CERT1: variants seen among roughly 807,000 people sequenced by gnomAD.
CERT1 encodes the protein ceramide transfer protein.
CERT1 carries 31 observed loss-of-function variants against 87.9 expected under a neutral mutation model. The ratio of observed to expected loss-of-function variants is 0.35; its 90% CI spans 0.27 to 0.48. The LOEUF (loss-of-function observed/expected upper bound fraction) is 0.48. Among genes scored for constraint, CERT1 ranks in the 20% least tolerant of loss-of-function variants. The pLI is 0.99. For missense variants in CERT1, 487 were observed against 758.0 expected, an observed-to-expected ratio of 0.64 and a Z score of 4.20; for synonymous variants, 289 against 250.9, an observed-to-expected ratio of 1.15 and a Z score of -1.44.
intron 2 of CERT1, among the ~76,000 whole-genome samples, chr5:75,479,624 C>A (rs903427581): frequency 5.3e-5 from 8 of 152,140 alleles, no homozygotes; most frequent in Non-Finnish European, 1.0e-4. Context: ...TGATCTCACT[C>A]TTTTTTATGT....
At chr5:75,408,522 A>G (rs1464252180) in intron 8 of CERT1, among the ~76,000 whole-genome samples, 1 of 152,170 alleles carries the variant, frequency 6.6e-6, no homozygotes, top group African/African-American at 2.4e-5. Flanking sequence ...GAACAAATTA[A>G]CTCACAAACA....
At chr5:75,376,492 G>A (rs1013912275), downstream of CERT1, 1 of 152,200 alleles carries the variant, frequency 6.6e-6, no homozygotes, top group African/African-American at 2.4e-5. Flanking sequence ...GACACACAGC[G>A]AAGCAGGGTG....
intron 3 of CERT1, among the ~76,000 whole-genome samples, chr5:75,439,998 A>G (rs1196254801): frequency 6.6e-6 from 1 of 152,090 alleles, no homozygotes; most frequent in African/African-American, 2.4e-5. Flanking sequence ...TCACTGTAAC[A>G]GACAATTAGA....
At chr5:75,431,602 G>C (rs1310720796) in intron 3 of CERT1, among the ~76,000 whole-genome samples, 2 of 152,136 alleles carry the variant, frequency 1.3e-5, no homozygotes, top group African/African-American at 4.8e-5. Context: ...TATTAGATAA[G>C]CTCCATGATT....
At chr5:75,448,172 G>A (rs1424637956) in intron 3 of CERT1, among the ~76,000 whole-genome samples, 1 of 152,074 alleles carries the variant, frequency 6.6e-6, no homozygotes, top group East Asian at 1.9e-4. Flanking sequence ...TATGTAAAAT[G>A]GGGCTTCTGT....
At chr5:75,493,897 C>CCT (rs1766930491) in intron 2 of CERT1, among the ~76,000 whole-genome samples, 1 of 152,010 alleles carries the variant, frequency 6.6e-6, no homozygotes, top group Non-Finnish European at 1.5e-5. Flanking sequence ...TATAATTCTA[C>CCT]CTTCTAACTC....
At chr5:75,443,777 T>C (rs949674166) in intron 3 of CERT1, among the ~76,000 whole-genome samples, 2 of 152,248 alleles carry the variant, frequency 1.3e-5, no homozygotes, top group Non-Finnish European at 2.9e-5. Flanking sequence ...TAGAACTGTC[T>C]ATTTCTCCTT....
chr5:75,503,865 TA>T, intron 2 of CERT1, among the ~76,000 whole-genome samples: 1 of 151,942 alleles, frequency 6.6e-6, no homozygotes, highest in African/African-American at 2.4e-5. Flanking sequence ...ATTAAACATT[TA>T]AATTTTTTGT....
intron 2 of CERT1, among the ~76,000 whole-genome samples, chr5:75,482,253 A>C (rs1766280020): frequency 6.6e-6 from 1 of 152,168 alleles, no homozygotes; most frequent in Non-Finnish European, 1.5e-5. Flanking sequence ...ACCTTGAGTG[A>C]ACATTGGCAG....
At chr5:75,500,516 T>A (rs1767300055) in intron 2 of CERT1, among the ~76,000 whole-genome samples, 1 of 152,178 alleles carries the variant, frequency 6.6e-6, no homozygotes, top group South Asian at 2.1e-4. Flanking sequence ...AATATATTCT[T>A]TTCTAATGAA....
At chr5:75,498,653 A>G (rs1008085070) in intron 2 of CERT1, among the ~76,000 whole-genome samples, 1 of 152,254 alleles carries the variant, frequency 6.6e-6, no homozygotes, top group Non-Finnish European at 1.5e-5. Flanking sequence ...AACTCCGCCT[A>G]CATTTCAGAG....
At chr5:75,458,722 T>C (rs929680090) in intron 3 of CERT1, among the ~76,000 whole-genome samples, 2 of 152,104 alleles carry the variant, frequency 1.3e-5, no homozygotes, top group African/African-American at 2.4e-5. Context: ...CGGCTAATTT[T>C]TGTATTTTTA....
intron 2 of CERT1, among the ~76,000 whole-genome samples, chr5:75,484,003 A>G (rs1012831011): frequency 1.3e-5 from 2 of 152,166 alleles, no homozygotes; most frequent in Non-Finnish European, 2.9e-5. Context: ...TGAACCTACA[A>G]AAAATGATAA....
chr5:75,505,012 C>T (rs766026870), intron 2 of CERT1, among the ~76,000 whole-genome samples: 1 of 152,054 alleles, frequency 6.6e-6, no homozygotes, highest in South Asian at 2.1e-4. Flanking sequence ...GTAGGCCAGG[C>T]GCGGTGGCTC....
intron 15 of CERT1, 34 bp downstream of exon 15, chr5:75,381,915 G>GT (rs1761601982): frequency 6.3e-7 from 1 of 1,580,626 alleles, no homozygotes; most frequent in African/African-American, 1.4e-5. Context: ...GCTTTATATT[G>GT]TTTAATTATA....
rs369315024 is a variant in CERT1, at chr5:75,464,563, G to A, written c.232-5382C>T. ...TTGCATTGTTGCCCAGGGTGGTCTG[G>A]TAAAGACTTGAGCAGTGTTTTTTGT... On this transcript the variant is annotated intron_variant, in intron 2 of 16. Coordinates refer to ENST00000643780, the MANE Select transcript of CERT1 (RefSeq NM_001379029.1). Among the ~76,000 whole-genome samples the A allele has an allele frequency of 6.6e-4, 101 of 152,180 alleles. 1 individual carries two copies. Among genetic ancestry groups the A allele is most frequent in the African/African-American group, 2.4e-3 (98 of 41,524 alleles).
At chr5:75,431,436 A>T (rs919832992) in intron 3 of CERT1, among the ~76,000 whole-genome samples, 1 of 152,212 alleles carries the variant, frequency 6.6e-6, no homozygotes, top group Non-Finnish European at 1.5e-5. Flanking sequence ...TCCAGCAGGC[A>T]GAGGGAGCTC....
At chr5:75,471,483 A>G (rs1765703351) in intron 2 of CERT1, among the ~76,000 whole-genome samples, 1 of 152,164 alleles carries the variant, frequency 6.6e-6, no homozygotes, top group Admixed American at 6.5e-5. Context: ...TATGCTGGGC[A>G]GACGTGGTGG....
intron 5 of CERT1, among the ~76,000 whole-genome samples, chr5:75,420,985 T>C (rs924332642): frequency 3.9e-5 from 6 of 152,160 alleles, no homozygotes; most frequent in Admixed American, 2.0e-4. Context: ...GCCCAGCTAA[T>C]TTTTGTAGAG....
Sources: gnomAD v4.1 joint callset for allele counts (sites outside exome capture counted in the v4.1 genomes callset) on GRCh38, gnomAD v4.1.1 for gene constraint, MANE v1.5 for transcripts, NCBI Gene and HGNC (gene_info 2026-07-23, HGNC 2026-07-21) for gene names.